CELSR1: variants seen among roughly 807,000 people sequenced by gnomAD.
CELSR1 encodes the protein cadherin EGF LAG seven-pass G-type receptor 1.
A neutral mutation model predicts 249.1 loss-of-function variants in CELSR1; 110 were observed. The observed-to-expected ratio is 0.44, with a 90% CI of 0.38 to 0.52. The LOEUF (loss-of-function observed/expected upper bound fraction) is 0.52, where lower values mean the gene tolerates loss of function less well. Among genes scored for constraint, CELSR1 ranks in the 20% least tolerant of loss-of-function variants. The pLI, the probability that CELSR1 is intolerant of heterozygous loss-of-function variation, is 0.00. For missense variants in CELSR1, 4,109 were observed against 4,296.4 expected, an observed-to-expected ratio of 0.96 and a Z score of 1.22; for synonymous variants, 2,113 against 1,900.0, an observed-to-expected ratio of 1.11 and a Z score of -2.92.
intron 25 of CELSR1, 75 bp downstream of exon 25, chr22:46,372,808 A>G (rs1165536140): frequency 1.1e-5 from 16 of 1,499,640 alleles, no homozygotes; most frequent in Non-Finnish European, 1.4e-5. Flanking sequence ...AAGAGAAAGG[A>G]GGGCAGCGTT....
chr22:46,449,424 C>A (rs1239491015), intron 2 of CELSR1, among the ~76,000 whole-genome samples: 1 of 151,950 alleles, frequency 6.6e-6, no homozygotes, highest in East Asian at 1.9e-4. Context: ...AACCACCCAT[C>A]ACACAGCCAT....
intron 2 of CELSR1, among the ~76,000 whole-genome samples, chr22:46,456,649 C>T (rs1226750361): frequency 1.3e-4 from 14 of 111,396 alleles, no homozygotes; most frequent in Admixed American, 3.8e-4. Context: ...GGCGACAGAG[C>T]GAGACTCTGT....
chr22:46,445,940 A>G lies in CELSR1; in HGVS notation c.4184-6529T>C, dbSNP rs12160289. 0.041 allele frequency among the ~76,000 whole-genome samples: 6,281 copies of G among 152,140 alleles called. 448 individuals are homozygous for G. The highest frequency in any genetic ancestry group is 0.14 in the African/African-American group (5,839 of 41,496). ...TCCAGCAGCCCCCTGCACAGCCACA[A>G]GCCCCCTCGCCTCGCGGCCCCTGCT... On this transcript the variant is annotated intron_variant, in intron 2 of 34. Transcript: ENST00000674500. The surrounding 1 kb of genome is among the most constrained non-coding windows in gnomAD (Gnocchi z 4.4).
intron 2 of CELSR1, among the ~76,000 whole-genome samples, chr22:46,452,001 C>A (rs2079891143): frequency 6.6e-6 from 1 of 152,190 alleles, no homozygotes; most frequent in Non-Finnish European, 1.5e-5. Context: ...CTGCAGCCAC[C>A]AGGCGCCGGG....
At chr22:46,378,495 G>T in intron 23 of CELSR1, 96 bp downstream of exon 23, 1 of 1,401,142 alleles carries the variant, frequency 7.1e-7, no homozygotes, top group Non-Finnish European at 9.7e-7. Context: ...GCAGGTTTGA[G>T]GACGGGCAGG....
In CELSR1 at chr22:46,397,686, C is replaced by T. The variant is rs753501956; in HGVS notation, c.5689G>A (p.Val1897Ile). 3.4e-5 allele frequency: 51 copies of T among 1,520,800 alleles called. No homozygotes were observed. Among genetic ancestry groups the T allele is most frequent in the South Asian group, 2.6e-4 (21 of 79,326 alleles). The allele number at this position is 1,520,800 out of a possible 1,614,324, so 94.2% of individuals were successfully genotyped here. Residue 1897 changes from valine (V) to isoleucine (I), a missense_variant, in exon 12 of 35, where the codon GTC becomes ATC. Physicochemically the swap from Val to Ile is conservative, Grantham distance 29 (BLOSUM62 3). Around this residue, in one of 7 missense-constraint regions of CELSR1, gnomAD observed 1,805 missense variants for 1,831.6 expected, o/e 0.99. Coordinates refer to ENST00000674500, the MANE Select transcript of CELSR1 (RefSeq NM_001378328.1). ...AGGGCGGTCCCACCTTTGTCACAGA[C>T]GCAGCTGTAGTCCTCCCAGGCGTCG... ...CHDAWEDYSC[V>I]CDKGYLGINC...
Position 46,362,881 on chromosome 22 carries a change from T to C in CELSR1, c.*342A>G, listed in dbSNP as rs914667109. The C allele has an allele frequency of 4.4e-6, 2 of 449,860 alleles. No individual in the cohort carries two copies. The highest frequency in any genetic ancestry group is 7.0e-5 in the Admixed American group (2 of 28,664). The allele number at this position is 449,860 out of a possible 1,614,324, so 27.9% of individuals were successfully genotyped here. On this transcript the variant is annotated 3_prime_UTR_variant, in exon 35 of 35. Transcript: ENST00000674500. ...GCGTTCCTGAACTCTGGCCAGCCTCTGGGCCCAGTCTGGGGTCCCCTCTCA... is the reference window on the plus strand; with the variant it reads ...GCGTTCCTGAACTCTGGCCAGCCTCCGGGCCCAGTCTGGGGTCCCCTCTCA...
At chr22:46,435,738 G>A (rs772922651) in intron 4 of CELSR1, among the ~76,000 whole-genome samples, 12 of 152,024 alleles carry the variant, frequency 7.9e-5, no homozygotes, top group South Asian at 4.2e-4. Context: ...GTCTCACTCC[G>A]TCACCAGGCT....
chr22:46,491,237 C>T (rs2080364272), intron 1 of CELSR1, among the ~76,000 whole-genome samples: 1 of 149,968 alleles, frequency 6.7e-6, no homozygotes, highest in Non-Finnish European at 1.5e-5. Flanking sequence ...TGCCACTATA[C>T]TAAAGAAATC....
Position 46,396,494 on chromosome 22 carries a change from C to T in CELSR1, c.5843+111G>A, listed in dbSNP as rs539444149. On this transcript the variant is annotated intron_variant, in intron 13 of 34. Coordinates refer to ENST00000674500, the MANE Select transcript of CELSR1 (RefSeq NM_001378328.1). The surrounding 1 kb of genome is among the most constrained non-coding windows in gnomAD (Gnocchi z 6.4). Reference sequence around the variant, plus strand: ...TTAAAAAAAAATATGTCCCTGTTACCCAGAATCACACATATCTTTGGGTCA... The same window carrying T: ...TTAAAAAAAAATATGTCCCTGTTACTCAGAATCACACATATCTTTGGGTCA... 47 of 1,169,516 alleles carry T rather than the reference C, an allele frequency of 4.0e-5. No individual in the cohort carries two copies. In the South Asian group the frequency reaches 9.7e-4, roughly 24 times the overall value. The allele number at this position is 1,169,516 out of a possible 1,614,324, so 72.4% of individuals were successfully genotyped here. A position where few individuals can be genotyped will look rare whatever the true frequency, so the allele number is the denominator to read the frequency against.
intron 1 of CELSR1, among the ~76,000 whole-genome samples, chr22:46,475,091 T>C (rs1418922293): frequency 1.3e-5 from 2 of 152,112 alleles, no homozygotes; most frequent in African/African-American, 2.4e-5. Flanking sequence ...GGCACACTTA[T>C]TCACTTAACA....
chr22:46,450,598 C>T (rs1042670727), intron 2 of CELSR1, among the ~76,000 whole-genome samples: 7 of 152,224 alleles, frequency 4.6e-5, no homozygotes, highest in Non-Finnish European at 5.9e-5. Context: ...GGGAGTTAAG[C>T]CTGCATCTGC....
intron 1 of CELSR1, among the ~76,000 whole-genome samples, chr22:46,470,752 G>C (rs1330970701): frequency 6.6e-6 from 1 of 152,122 alleles, no homozygotes; most frequent in African/African-American, 2.4e-5. Flanking sequence ...CCCCACAACG[G>C]AATATGACGC....
intron 20 of CELSR1, among the ~76,000 whole-genome samples, chr22:46,382,959 G>A (rs930958314): frequency 7.2e-5 from 11 of 152,208 alleles, no homozygotes; most frequent in African/African-American, 2.7e-4. Flanking sequence ...GAGATGGACT[G>A]TTTAAACATG....
Position 46,416,109 on chromosome 22 carries a change from G to GGGC in CELSR1, c.4612-4353_4612-4351dup, listed in dbSNP as rs1441204788. ...GATGAATGGTACAGGTTGCAGAGGGGGGCGGATAAGGAATGAGACAGACGA... is the reference window on the plus strand; with the variant it reads ...GATGAATGGTACAGGTTGCAGAGGGGGGCGGCGGATAAGGAATGAGACAGACGA... On this transcript the variant is annotated intron_variant, in intron 5 of 34. Coordinates refer to ENST00000674500, the MANE Select transcript of CELSR1 (RefSeq NM_001378328.1). Among the ~76,000 whole-genome samples the GGGC allele has an allele frequency of 2.2e-5, 3 of 137,534 alleles. 1 individual carries two copies. Among genetic ancestry groups the GGGC allele is most frequent in the African/African-American group, 8.0e-5 (3 of 37,398 alleles). 90.2% of individuals were successfully genotyped at this position (137,534 alleles called of 152,430 possible).
chr22:46,442,297 G>A (rs1009919157), intron 2 of CELSR1, among the ~76,000 whole-genome samples: 9 of 152,244 alleles, frequency 5.9e-5, no homozygotes, highest in Non-Finnish European at 7.3e-5. Flanking sequence ...TCCGCCTCCC[G>A]GCCCAGTTCC....
In CELSR1 at chr22:46,534,643, G is replaced by C. The variant is rs768226039; in HGVS notation, c.2528C>G (p.Thr843Ser). Residue 843 changes from threonine (T) to serine (S), a missense_variant, in exon 1 of 35, where the codon ACC becomes AGC. Coordinates refer to ENST00000674500, the MANE Select transcript of CELSR1 (RefSeq NM_001378328.1). The surrounding 1 kb of genome is among the most constrained non-coding windows in gnomAD (Gnocchi z 9.7). ...GTCCAGCTCCATCATGGTGTACATG[G>C]TGCCACTGTCGGGGTCAATGCGGAA... ...PQFRIDPDSG[T>S]MYTMMELDYE... 1 of 1,613,912 alleles carries C rather than the reference G, an allele frequency of 6.2e-7. No individual in the cohort carries two copies. Among genetic ancestry groups the C allele is most frequent in the South Asian group, 1.1e-5 (1 of 91,074 alleles).
rs538998117 is a variant in CELSR1 at position 46,366,378 on chromosome 22, G to C, written c.8300+8C>G. On this transcript the variant is annotated splice_region_variant and intron_variant, in intron 30 of 34. Transcript: ENST00000674500. ...GCCACCTCCCCGAACCCGGAGCTGC[G>C]GCCTGACCTGACGATGCTGTCCAGC... The C allele has an allele frequency of 6.5e-7, 1 of 1,545,992 alleles. No homozygotes were observed. Among genetic ancestry groups the C allele is most frequent in the African/African-American group, 1.4e-5 (1 of 72,820 alleles).
Position 46,390,558 on chromosome 22 carries a change from C to T in CELSR1, c.6251-72G>A. The T allele has an allele frequency of 8.0e-7, 1 of 1,254,946 alleles. No individual in the cohort carries two copies. The highest frequency in any genetic ancestry group is 1.1e-6 in the Non-Finnish European group (1 of 872,516). 77.7% of individuals were successfully genotyped at this position (1,254,946 alleles called of 1,614,324 possible). ...ATCAATGCTTGTGTATTTCAATCCA[C>T]AATCTGAATATACTTAAACCCAGAA... On this transcript the variant is annotated intron_variant, in intron 16 of 34. Coordinates refer to ENST00000674500, the MANE Select transcript of CELSR1 (RefSeq NM_001378328.1). The surrounding 1 kb of genome is among the most constrained non-coding windows in gnomAD (Gnocchi z 6.3).
Sources: allele counts gnomAD v4.1 joint callset (sites outside exome capture counted in the v4.1 genomes callset), GRCh38; gene constraint gnomAD v4.1.1; regional missense constraint gnomAD v4.1.1; non-coding constraint Gnocchi (gnomAD v3.1); transcripts MANE v1.5; gene names NCBI Gene and HGNC (gene_info 2026-07-23, HGNC 2026-07-21).